The following COL2A1 variants were observed in gnomAD, a reference collection of about 807,000 sequenced individuals.
The protein encoded by COL2A1 is collagen alpha-1(II) chain.
A neutral mutation model predicts 204.5 loss-of-function variants in COL2A1; 28 were observed. That is an observed-to-expected ratio of 0.14 (90% CI 0.10 to 0.19). The LOEUF (loss-of-function observed/expected upper bound fraction) is 0.19, where lower values mean the gene tolerates loss of function less well. Among genes scored for constraint, COL2A1 ranks in the 10% least tolerant of loss-of-function variants. The probability of loss-of-function intolerance (pLI) is 1.00; values close to 1 mark genes in which losing one functional copy is unlikely to be tolerated. For missense variants in COL2A1, 1,388 were observed against 2,027.5 expected (o/e 0.68, Z 6.06); for synonymous variants, 708 against 718.7 (o/e 0.99, Z 0.24).
At chr12:47,982,641 G>T in intron 33 of COL2A1, 32 bp from the exon 34 acceptor site, 1 of 1,501,256 alleles carries the variant, frequency 6.7e-7, no homozygotes. Flanking sequence ...AGTCTGTAGT[G>T]GACAGCACCT....
At chr12:47,974,570 A>G in intron 52 of COL2A1, 105 bp downstream of exon 52, 5 of 1,393,464 alleles carry the variant, frequency 3.6e-6, no homozygotes, top group Non-Finnish European at 5.1e-6. Context: ...CCAACAGAAA[A>G]CTGGAGGAAA....
At chr12:48,001,349 C>A (rs1940221941) in intron 1 of COL2A1, among the ~76,000 whole-genome samples, 1 of 152,264 alleles carries the variant, frequency 6.6e-6, no homozygotes, top group Non-Finnish European at 1.5e-5. Context: ...TAGAAGAAAT[C>A]CGCCTAGCCT....
Position 47,985,574 on chromosome 12 carries a change from C to T in COL2A1, c.1694G>A (p.Arg565His), listed in dbSNP as rs372182200. Residue 565 changes from arginine (R) to histidine (H), a missense_variant, in exon 26 of 54, where the codon CGC becomes CAC. Arg to His is a conservative substitution (Grantham distance 29). This residue lies in a region of COL2A1 where 884 missense variants were observed against 1,415.8 expected (regional missense o/e 0.62). Coordinates refer to ENST00000380518, the MANE Select transcript of COL2A1 (RefSeq NM_001844.5). ...GCCTTGAGGACCAGCATCACCAGGG[C>T]GGCCAGTGAGACCCTTTGTTCAGGA... ...GLPGARGLTGRPGDAGPQGKV... is the reference protein window; with the variant it reads ...GLPGARGLTGHPGDAGPQGKV... The T allele has an allele frequency of 4.5e-5, 73 of 1,613,902 alleles. No individual in the cohort carries two copies. Among genetic ancestry groups the T allele is most frequent in the Middle Eastern group, 1.6e-4 (1 of 6,084 alleles).
At chr12:47,986,722 C>T in intron 22 of COL2A1, 113 bp downstream of exon 22, 2 of 1,248,606 alleles carry the variant, frequency 1.6e-6, no homozygotes, top group Admixed American at 1.7e-5. Flanking sequence ...TCTGAAAGGA[C>T]CCAGATTGGG....
intron 22 of COL2A1, 122 bp downstream of exon 22, chr12:47,986,713 C>T: frequency 8.5e-7 from 1 of 1,176,526 alleles, no homozygotes; most frequent in Admixed American, 1.7e-5. Flanking sequence ...CAGGCATAAT[C>T]TGAAAGGACC....
At chr12:47,977,286 G>A (rs771373279) in intron 46 of COL2A1, 34 bp downstream of exon 46, 29 of 1,590,396 alleles carry the variant, frequency 1.8e-5, no homozygotes, top group Non-Finnish European at 2.2e-5. Context: ...ACCGCGCAGG[G>A]GAAGGCGGCT....
chr12:47,994,617 C>T, intron 11 of COL2A1, 140 bp from the exon 12 acceptor site: 1 of 858,920 alleles, frequency 1.2e-6, no homozygotes, highest in Non-Finnish European at 1.9e-6. Context: ...CTTCAGACTC[C>T]ACGTGCCTGG....
At position 47,973,227 on chromosome 12, in the gene COL2A1, T is replaced by C; in HGVS notation, c.*180A>G. Reference sequence around the variant, plus strand: ...AGAACACCGAGATTTTATTTTGCAGTCTGCCCAGTTCAGGTCTCTTAGAAA... The same window carrying C: ...AGAACACCGAGATTTTATTTTGCAGCCTGCCCAGTTCAGGTCTCTTAGAAA... On this transcript the variant is annotated 3_prime_UTR_variant, in exon 54 of 54. Transcript: ENST00000380518. 1 of 753,620 alleles carries C rather than the reference T, an allele frequency of 1.3e-6. No individual in the cohort carries two copies. The highest frequency in any genetic ancestry group is 2.4e-6 in the Non-Finnish European group (1 of 424,272). 46.7% of individuals were successfully genotyped at this position (753,620 alleles called of 1,614,324 possible). A position where few individuals can be genotyped will look rare whatever the true frequency, so the allele number is the denominator to read the frequency against.
chr12:47,992,360 A>G (rs1017424629), intron 16 of COL2A1, among the ~76,000 whole-genome samples: 3 of 152,160 alleles, frequency 2.0e-5, no homozygotes, highest in African/African-American at 7.2e-5. Flanking sequence ...ACCTCTCAGG[A>G]TATGGAGGAA....
chr12:47,985,494 TC>T (rs1365491350), intron 26 of COL2A1, 39 bp downstream of exon 26: 5 of 1,601,210 alleles, frequency 3.1e-6, no homozygotes, highest in South Asian at 1.1e-5. Flanking sequence ...CCCAGGGAGA[TC>T]CCCCCACCCT....
rs865942601 is a variant in COL2A1, at chr12:47,986,391, C to T, written c.1472G>A (p.Arg491Lys). 1.3e-6 allele frequency: 2 copies of T among 1,568,832 alleles called. No individual in the cohort carries two copies. ...APGPAGEEGK[R>K]GARGEPGGVG... ...GCCACCAGGCTCTCCACGGGCACCT[C>T]TCTTGCCTTCTTCACCAGCGGGTCC... The change falls in exon 23 of 54, where the codon AGA becomes AAA. Residue 491 changes from arginine (R) to lysine (K), a missense_variant. Arg to Lys is a conservative substitution (Grantham distance 26). Around this residue, in one of 3 missense-constraint regions of COL2A1, gnomAD observed 884 missense variants for 1,415.8 expected, o/e 0.62. Transcript: ENST00000380518.
At chr12:47,991,056 A>G (rs1391194319) in intron 16 of COL2A1, among the ~76,000 whole-genome samples, 1 of 152,190 alleles carries the variant, frequency 6.6e-6, no homozygotes. Flanking sequence ...CCAGATTGGC[A>G]TTTAAGAGGA....
chr12:47,983,534 A>C, intron 30 of COL2A1, 96 bp from the exon 31 acceptor site: 1 of 1,472,668 alleles, frequency 6.8e-7, no homozygotes, highest in South Asian at 1.2e-5. Flanking sequence ...GAAAGGAAGC[A>C]GCAGCAGTGA....
chr12:47,991,116 G>T (rs1565688086), intron 16 of COL2A1, among the ~76,000 whole-genome samples: 1 of 152,226 alleles, frequency 6.6e-6, no homozygotes. Context: ...AAAGCTTCAG[G>T]ATTGGCCACA....
At chr12:47,974,932 G>C in intron 51 of COL2A1, 70 bp from the exon 52 acceptor site, 1 of 1,501,044 alleles carries the variant, frequency 6.7e-7, no homozygotes, top group Non-Finnish European at 9.1e-7. Flanking sequence ...AGAGACCCAG[G>C]CCTGACTGAA....
chr12:48,002,552 C>T (rs1243908384), intron 1 of COL2A1: 2 of 152,160 alleles, frequency 1.3e-5, no homozygotes, highest in Admixed American at 1.3e-4. Context: ...GGAATCACTC[C>T]CTCCCAGGAA....
rs543054878 is a variant in COL2A1 at position 47,983,839 on chromosome 12, G to A, written c.1942-103C>T. 2.3e-4 allele frequency: 286 copies of A among 1,231,086 alleles called. 2 individuals carry two copies. In the South Asian group the frequency reaches 3.0e-3, roughly 13 times the overall value. 76.3% of individuals were successfully genotyped at this position (1,231,086 alleles called of 1,614,324 possible). A position where few individuals can be genotyped will look rare whatever the true frequency, so the allele number is the denominator to read the frequency against. On this transcript the variant is annotated intron_variant, in intron 29 of 53. Transcript: ENST00000380518. ...GGTCAGCAGGGTGGGCAGCACAGGCGTCTTCCTGCACCACTCAGACAGTGC... is the reference window on the plus strand; with the variant it reads ...GGTCAGCAGGGTGGGCAGCACAGGCATCTTCCTGCACCACTCAGACAGTGC...
At chr12:47,984,479 G>A (rs1223515072) in intron 28 of COL2A1, 67 bp downstream of exon 28, 80 of 1,513,582 alleles carry the variant, frequency 5.3e-5, no homozygotes, top group Middle Eastern at 1.7e-4. Context: ...TGGGGAGGCC[G>A]TTCCCCTGTC....
At chr12:48,000,473 A>T (rs1275907264) in intron 1 of COL2A1, among the ~76,000 whole-genome samples, 2 of 152,112 alleles carry the variant, frequency 1.3e-5, no homozygotes, top group Non-Finnish European at 2.9e-5. Context: ...TTGGAGGGTG[A>T]GCGGAAGGGA....
Sources: gnomAD v4.1 joint callset for allele counts (sites outside exome capture counted in the v4.1 genomes callset) on GRCh38, gnomAD v4.1.1 for gene constraint, gnomAD v4.1.1 regional missense constraint, MANE v1.5 for transcripts, NCBI Gene and HGNC (gene_info 2026-07-23, HGNC 2026-07-21) for gene names.